KCNH8: variants seen among roughly 807,000 people sequenced by gnomAD.
KCNH8 encodes the protein voltage-gated delayed rectifier potassium channel KCNH8.
Under a neutral mutation model 103.6 loss-of-function variants are expected in KCNH8, and 70 were observed. The observed-to-expected ratio is 0.68, with a 90% CI of 0.56 to 0.82. The LOEUF (loss-of-function observed/expected upper bound fraction) is 0.82, where lower values mean the gene tolerates loss of function less well. KCNH8 is among the 40% of genes least tolerant of loss of function. The probability of loss-of-function intolerance (pLI) is 0.00; values close to 1 mark genes in which losing one functional copy is unlikely to be tolerated. For missense variants in KCNH8, 1,217 were observed against 1,329.9 expected, an observed-to-expected ratio of 0.92 and a Z score of 1.32; for synonymous variants, 498 against 489.4, an observed-to-expected ratio of 1.02 and a Z score of -0.23.
intron 1 of KCNH8, among the ~76,000 whole-genome samples, chr3:19,212,544 G>C (rs2063781075): frequency 1.3e-5 from 2 of 152,102 alleles, no homozygotes; most frequent in Admixed American, 1.3e-4. Context: ...ATCCTGAAAA[G>C]GCCTGTTCAC....
rs549778062 is a variant in KCNH8 at position 19,183,422 on chromosome 3, C to T, written c.76+34627C>T. The stretch of plus-strand genomic sequence containing the variant: ...AGTAGGTAAGAAGGTATCGTGCATG[C>T]ATGGAACAATGACAATGGAATCGAA... On this transcript the variant is annotated intron_variant, in intron 1 of 15. Transcript: ENST00000328405. Among the ~76,000 whole-genome samples, 127 of 152,034 alleles carry T rather than the reference C, an allele frequency of 8.4e-4. 1 individual carries two copies. The South Asian group carries it at 0.022, about 26-fold the overall frequency.
chr3:19,422,061 G>A (rs1361268851), intron 7 of KCNH8, among the ~76,000 whole-genome samples: 2 of 152,030 alleles, frequency 1.3e-5, no homozygotes, highest in African/African-American at 2.4e-5. Context: ...TAACTAGGTG[G>A]AGATGGAGGT....
intron 2 of KCNH8, among the ~76,000 whole-genome samples, chr3:19,255,018 G>T (rs922679245): frequency 6.6e-6 from 1 of 152,084 alleles, no homozygotes; most frequent in African/African-American, 2.4e-5. Flanking sequence ...TTGGAGATAG[G>T]GCCTTTGAAA....
intron 5 of KCNH8, among the ~76,000 whole-genome samples, chr3:19,375,011 T>G (rs368124331): frequency 1.0e-3 from 159 of 151,934 alleles, no homozygotes; most frequent in African/African-American, 3.7e-3. Flanking sequence ...GAGGGTAACC[T>G]GACCTTTCTC....
chr3:19,224,446 A>G (rs930603515), intron 1 of KCNH8, among the ~76,000 whole-genome samples: 11 of 152,180 alleles, frequency 7.2e-5, no homozygotes, highest in Non-Finnish European at 1.5e-4. Context: ...AAAGAGAAAC[A>G]AACCATTTTT....
chr3:19,273,581 A>G (rs1433737324), intron 2 of KCNH8, among the ~76,000 whole-genome samples: 5 of 152,318 alleles, frequency 3.3e-5, no homozygotes, highest in South Asian at 2.1e-4. Context: ...CATGGTATAC[A>G]GATCACCATT....
intron 3 of KCNH8, among the ~76,000 whole-genome samples, chr3:19,336,212 CCATT>C (rs2065582910): frequency 6.6e-6 from 1 of 151,554 alleles, no homozygotes; most frequent in Non-Finnish European, 1.5e-5. Context: ...CTGATTACAT[CCATT>C]GAGTTTGGAT....
intron 5 of KCNH8, among the ~76,000 whole-genome samples, chr3:19,379,257 A>G (rs758067347): frequency 2.6e-5 from 4 of 152,236 alleles, no homozygotes; most frequent in Non-Finnish European, 4.4e-5. Flanking sequence ...AGAGGAAGTT[A>G]TGTTTGAATC....
rs2063098890 is a variant in KCNH8 at position 19,148,646 on chromosome 3, C to T, written c.-74C>T. The T allele has an allele frequency of 6.9e-7, 1 of 1,455,586 alleles. No individual in the cohort carries two copies. Among genetic ancestry groups the T allele is most frequent in the Non-Finnish European group, 9.7e-7 (1 of 1,034,606 alleles). 90.2% of individuals were successfully genotyped at this position (1,455,586 alleles called of 1,614,324 possible). On this transcript the variant is annotated 5_prime_UTR_variant, in exon 1 of 16. Transcript: ENST00000328405. ...CTGCCGTCATCAGGTTCCCCTTCTC[C>T]CTTCTTGGCACTTTCCTTTCGAACC... is the stretch of plus-strand genomic sequence containing the variant.
chr3:19,462,049 C>T (rs2067641707), intron 11 of KCNH8, among the ~76,000 whole-genome samples: 2 of 152,282 alleles, frequency 1.3e-5, no homozygotes, highest in South Asian at 4.1e-4. Context: ...CATTGTTGGA[C>T]ATTTGGGTTG....
At chr3:19,235,585 A>C (rs1164827755) in intron 1 of KCNH8, among the ~76,000 whole-genome samples, 1 of 152,146 alleles carries the variant, frequency 6.6e-6, no homozygotes, top group African/African-American at 2.4e-5. Flanking sequence ...TGGTCACATT[A>C]CTCTCTTCAA....
intron 5 of KCNH8, among the ~76,000 whole-genome samples, chr3:19,372,578 C>G (rs1475445337): frequency 6.6e-6 from 1 of 152,206 alleles, no homozygotes; most frequent in South Asian, 2.1e-4. Context: ...TTGACTTCCT[C>G]TTTTCCTGAT....
chr3:19,450,722 A>G lies in KCNH8; in HGVS notation c.1575+417A>G. 3.5e-5 allele frequency: 10 copies of G among 285,710 alleles called. No homozygotes were observed. The South Asian group carries it at 3.7e-4, about 10-fold the overall frequency. The allele number at this position is 285,710 out of a possible 1,614,324, so 17.7% of individuals were successfully genotyped here. On this transcript the variant is annotated intron_variant, in intron 9 of 15. Transcript: ENST00000328405. ...CAGAAACACCCCAGACTGCCACTAT[A>G]AAAACAGTATTATATAAATCAACGA... is the stretch of plus-strand genomic sequence containing the variant.
At chr3:19,190,743 A>G (rs1041671636) in intron 1 of KCNH8, among the ~76,000 whole-genome samples, 5 of 151,940 alleles carry the variant, frequency 3.3e-5, no homozygotes, top group African/African-American at 4.8e-5. Context: ...TGCTTTCACA[A>G]TGTGTAATGG....
chr3:19,182,044 C>A (rs1384950153), intron 1 of KCNH8, among the ~76,000 whole-genome samples: 2 of 151,982 alleles, frequency 1.3e-5, no homozygotes, highest in Non-Finnish European at 2.9e-5. Context: ...AGAAAACAAA[C>A]AAACAAAAAA....
chr3:19,282,494 A>G (rs1057375712), intron 3 of KCNH8, among the ~76,000 whole-genome samples: 10 of 152,180 alleles, frequency 6.6e-5, no homozygotes, highest in African/African-American at 2.2e-4. Flanking sequence ...AAATTATTCA[A>G]ACATGTAAGT....
chr3:19,374,114 G>A (rs1432217872), intron 5 of KCNH8, among the ~76,000 whole-genome samples: 1 of 151,408 alleles, frequency 6.6e-6, no homozygotes, highest in East Asian at 1.9e-4. Context: ...TTCTGTAGAT[G>A]TCTATTAGGT....
rs1257072397 is a variant in KCNH8 at position 19,535,225 on chromosome 3, C to A, written c.*1126C>A. 1 of 152,174 alleles carries A rather than the reference C, an allele frequency of 6.6e-6. No individual in the cohort carries two copies. Among genetic ancestry groups the A allele is most frequent in the Non-Finnish European group, 1.5e-5 (1 of 68,032 alleles). The allele number at this position is 152,174 out of a possible 1,614,324, so 9.4% of individuals were successfully genotyped here. On this transcript the variant is annotated 3_prime_UTR_variant, in exon 16 of 16. Transcript: ENST00000328405. Reference sequence around the variant, plus strand: ...CAAGAGGTAGTAGACTAGTGGAAATCCCCAAATGGAGCCAAGACTTCTGAG... The same window carrying A: ...CAAGAGGTAGTAGACTAGTGGAAATACCCAAATGGAGCCAAGACTTCTGAG...
At chr3:19,520,308 C>A (rs2068950008) in intron 15 of KCNH8, among the ~76,000 whole-genome samples, 1 of 151,674 alleles carries the variant, frequency 6.6e-6, no homozygotes, top group Admixed American at 6.6e-5. Context: ...CAAGGTCCAA[C>A]TATTCTTTCC....
Sources: gnomAD v4.1 joint callset for allele counts (sites outside exome capture counted in the v4.1 genomes callset) on GRCh38, gnomAD v4.1.1 for gene constraint, MANE v1.5 for transcripts, NCBI Gene and HGNC (gene_info 2026-07-23, HGNC 2026-07-21) for gene names.